The following ARAP2 variants were observed in gnomAD, a reference collection of about 807,000 sequenced individuals.
ARAP2 encodes the protein ArfGAP with RhoGAP domain, ankyrin repeat and PH domain 2, also known as arf-GAP with Rho-GAP domain, ANK repeat and PH domain-containing protein 2.
In ARAP2, 148 loss-of-function variants were observed where a neutral mutation model predicts 194.5. The ratio of observed to expected loss-of-function variants is 0.76; its 90% CI spans 0.67 to 0.87. The LOEUF (loss-of-function observed/expected upper bound fraction) is 0.87, where lower values mean the gene tolerates loss of function less well. Among genes scored for constraint, ARAP2 ranks in the 40% least tolerant of loss-of-function variants. The pLI is 0.00. For synonymous variants in ARAP2, 695 were observed against 683.5 expected, an observed-to-expected ratio of 1.02 and a Z score of -0.26; for missense variants, 2,128 against 1,989.7, an observed-to-expected ratio of 1.07 and a Z score of -1.32.
At chr4:36,173,399 GATAA>G (rs1274859509) in intron 9 of ARAP2, among the ~76,000 whole-genome samples, 2 of 152,010 alleles carry the variant, frequency 1.3e-5, no homozygotes, top group Non-Finnish European at 2.9e-5. Flanking sequence ...ATCATTTAAA[GATAA>G]ATAATTTACA....
At position 36,028,046 on chromosome 4, in the gene ARAP2, C is replaced by G. The variant is rs562495446; in HGVS notation, n.608-8760G>C. On this transcript the variant is annotated intron_variant and non_coding_transcript_variant, in intron 5 of 12. Coordinates refer to the ARAP2 transcript ENST00000503225. The stretch of plus-strand genomic sequence containing the variant: ...ATGCGCATACTCATATTGAACTATT[C>G]TTGCATTCTCAGAATAAATGTTACT... Among the ~76,000 whole-genome samples the G allele has an allele frequency of 8.5e-5, 13 of 152,206 alleles. No individual in the cohort carries two copies. The South Asian group carries it at 1.9e-3, about 22-fold the overall frequency.
At chr4:36,036,243 T>C (rs976787334) in intron 5 of ARAP2, among the ~76,000 whole-genome samples, 1 of 152,152 alleles carries the variant, frequency 6.6e-6, no homozygotes, top group Non-Finnish European at 1.5e-5. Context: ...GGGATCCAAA[T>C]GGTTCTATAG....
chr4:36,106,603 T>C (rs976282602), intron 27 of ARAP2, among the ~76,000 whole-genome samples: 2 of 151,972 alleles, frequency 1.3e-5, no homozygotes, highest in African/African-American at 4.8e-5. Flanking sequence ...TGAAGAGCTG[T>C]ACCATCCTCC....
chr4:36,204,942 C>A (rs1246936064), intron 6 of ARAP2, among the ~76,000 whole-genome samples: 1 of 115,516 alleles, frequency 8.7e-6, no homozygotes, highest in Non-Finnish European at 1.6e-5. Context: ...GAGCCAAGAT[C>A]AAGCCACTGC....
At chr4:36,181,827 T>C (rs1171178743) in intron 8 of ARAP2, among the ~76,000 whole-genome samples, 1 of 152,170 alleles carries the variant, frequency 6.6e-6, no homozygotes, top group Admixed American at 6.5e-5. Context: ...AACTTAAATA[T>C]ACATTACACA....
intron 29 of ARAP2, 44 bp from the exon 30 acceptor site, chr4:36,082,330 A>C: frequency 6.4e-7 from 1 of 1,563,768 alleles, no homozygotes; most frequent in Middle Eastern, 1.7e-4. Flanking sequence ...TAAAAATAAT[A>C]CATTTTACAA....
At chr4:36,222,704 T>G (rs1447561050) in intron 2 of ARAP2, among the ~76,000 whole-genome samples, 1 of 151,552 alleles carries the variant, frequency 6.6e-6, no homozygotes. Context: ...TAAACTAAAG[T>G]CTGGGTCCAC....
intron 6 of ARAP2, among the ~76,000 whole-genome samples, chr4:36,207,659 G>A (rs1170378026): frequency 6.6e-6 from 1 of 152,128 alleles, no homozygotes; most frequent in East Asian, 1.9e-4. Context: ...TTAAACAAAA[G>A]ACAGTTTCAA....
intron 7 of ARAP2, among the ~76,000 whole-genome samples, chr4:36,192,237 T>C (rs913215613): frequency 2.7e-5 from 4 of 146,668 alleles, no homozygotes; most frequent in African/African-American, 1.0e-4. Flanking sequence ...GGATGAAGTG[T>C]CACAGAAAAT....
At chr4:36,207,598 T>C (rs1044984863) in intron 6 of ARAP2, among the ~76,000 whole-genome samples, 2 of 152,234 alleles carry the variant, frequency 1.3e-5, no homozygotes. Flanking sequence ...TAGACAACCA[T>C]GCGAAATAAG....
At chr4:36,037,596 G>A (rs547044578) in intron 5 of ARAP2, among the ~76,000 whole-genome samples, 2 of 152,198 alleles carry the variant, frequency 1.3e-5, no homozygotes, top group Non-Finnish European at 2.9e-5. Context: ...CATCAGAATA[G>A]TAACATACCT....
intron 31 of ARAP2, among the ~76,000 whole-genome samples, chr4:36,078,008 T>C (rs1036676647): frequency 6.6e-6 from 1 of 152,160 alleles, no homozygotes; most frequent in African/African-American, 2.4e-5. Flanking sequence ...CTTCCTTATG[T>C]CAGTCACATG....
rs537183302 is a variant in ARAP2, at chr4:36,024,420, A to T, written n.608-5134T>A. Reference sequence around the variant, plus strand: ...AGAAAAGAAAATATTGGAATGCATAAGTCATTGACACATTCCACAAACAAT... The same window carrying T: ...AGAAAAGAAAATATTGGAATGCATATGTCATTGACACATTCCACAAACAAT... On this transcript the variant is annotated intron_variant and non_coding_transcript_variant, in intron 5 of 12. Coordinates refer to the ARAP2 transcript ENST00000503225. 1.8e-3 allele frequency among the ~76,000 whole-genome samples: 277 copies of T among 152,308 alleles called. 1 individual carries two copies. Among genetic ancestry groups the T allele is most frequent in the African/African-American group, 6.5e-3 (270 of 41,586 alleles).
At chr4:36,129,269 G>A (rs1241901465) in intron 20 of ARAP2, among the ~76,000 whole-genome samples, 2 of 151,910 alleles carry the variant, frequency 1.3e-5, no homozygotes, top group East Asian at 1.9e-4. Context: ...GAGGAAGAGT[G>A]ATGATGACAA....
Position 36,210,707 on chromosome 4 carries a change from G to T in ARAP2, c.1170C>A (p.Asp390Glu), listed in dbSNP as rs996434551. 1.2e-6 allele frequency: 2 copies of T among 1,606,884 alleles called. No homozygotes were observed. Among genetic ancestry groups the T allele is most frequent in the Admixed American group, 1.7e-5 (1 of 58,576 alleles). ...GAGGTATCCAAATATCTTCCACCTT[G>T]TCCTCGCTTATTTTCTCCTTTCTGT... ...YDNRKEKISEDKVEDIWIPRE... is the reference protein window; with the variant it reads ...YDNRKEKISEEKVEDIWIPRE... Residue 390 changes from aspartate (D) to glutamate (E), a missense_variant, in exon 6 of 33, where the codon GAC (aspartate) becomes GAA (glutamate). Physicochemically the swap from Asp to Glu is conservative, Grantham distance 45. Coordinates refer to ENST00000303965, the MANE Select transcript of ARAP2 (RefSeq NM_015230.4).
intron 2 of ARAP2, among the ~76,000 whole-genome samples, chr4:36,217,660 G>A (rs180919329): frequency 7.3e-5 from 11 of 151,668 alleles, no homozygotes; most frequent in African/African-American, 2.7e-4. Context: ...TTAAAATGGT[G>A]CCAAATAGTA....
chr4:36,005,633 C>G (rs16991834), intron 10 of ARAP2: 1 of 152,066 alleles, frequency 6.6e-6, no homozygotes, highest in African/African-American at 2.4e-5. Context: ...TTATACAATT[C>G]TATACATTTG....
In ARAP2 at chr4:36,068,351, A is replaced by T. The variant is rs567930987; in HGVS notation, c.4744-73T>A. Reference sequence around the variant, plus strand: ...TTTAGGTTTAGAAAGTGCAATCCACATAAAAGTTGATGCTTCCTATAAAAG... The same window carrying T: ...TTTAGGTTTAGAAAGTGCAATCCACTTAAAAGTTGATGCTTCCTATAAAAG... On this transcript the variant is annotated intron_variant, in intron 32 of 32. Coordinates refer to ENST00000303965, the MANE Select transcript of ARAP2 (RefSeq NM_015230.4). 2.9e-5 allele frequency: 41 copies of T among 1,428,192 alleles called. No individual in the cohort carries two copies. In the East Asian group the frequency reaches 9.3e-4, roughly 32 times the overall value. The allele number at this position is 1,428,192 out of a possible 1,614,324, so 88.5% of individuals were successfully genotyped here.
intron 9 of ARAP2, among the ~76,000 whole-genome samples, chr4:36,008,254 A>G (rs372949918): frequency 6.2e-4 from 95 of 152,266 alleles, no homozygotes; most frequent in Admixed American, 1.1e-3. Flanking sequence ...TAAGCAAAAA[A>G]TAAATCTGGA....
Sources: allele counts gnomAD v4.1 joint callset (sites outside exome capture counted in the v4.1 genomes callset), GRCh38; gene constraint gnomAD v4.1.1; transcripts MANE v1.5; gene names NCBI Gene and HGNC (gene_info 2026-07-23, HGNC 2026-07-21).